The following HMBOX1 variants were observed in gnomAD, a reference collection of about 807,000 sequenced individuals.
HMBOX1 encodes homeobox-containing protein 1.
In HMBOX1, 14 loss-of-function variants were observed where a neutral mutation model predicts 54.5. The observed-to-expected ratio is 0.26, with a 90% CI of 0.17 to 0.40. The LOEUF is 0.40. HMBOX1 is among the 10% of genes least tolerant of loss of function. The pLI, the probability that HMBOX1 is intolerant of heterozygous loss-of-function variation, is 1.00. For missense variants in HMBOX1, 332 were observed against 514.4 expected (o/e 0.65, Z 3.43); for synonymous variants, 160 against 181.0 (o/e 0.88, Z 0.93).
chr8:28,954,303 G>A (rs1241186883), intron 1 of HMBOX1, among the ~76,000 whole-genome samples: 2 of 152,112 alleles, frequency 1.3e-5, no homozygotes, highest in African/African-American at 4.8e-5. Flanking sequence ...AAGGGGCTCT[G>A]TAATGGTGTT....
At chr8:28,968,086 T>C (rs911691183) in intron 2 of HMBOX1, among the ~76,000 whole-genome samples, 2 of 152,208 alleles carry the variant, frequency 1.3e-5, no homozygotes, top group African/African-American at 4.8e-5. Flanking sequence ...TAATGCAGAT[T>C]CATATGGAAA....
At chr8:28,957,445 TA>T (rs1824674351) in intron 1 of HMBOX1, among the ~76,000 whole-genome samples, 1 of 151,860 alleles carries the variant, frequency 6.6e-6, no homozygotes, top group Non-Finnish European at 1.5e-5. Context: ...GTTGAAAAAA[TA>T]ACTGTTGGGT....
intron 4 of HMBOX1, among the ~76,000 whole-genome samples, chr8:28,983,818 A>G (rs945112615): frequency 6.6e-6 from 1 of 152,136 alleles, no homozygotes; most frequent in South Asian, 2.1e-4. Flanking sequence ...AGGAGCTTGC[A>G]TTTTTCCTTT....
chr8:29,035,968 T>C (rs1022913465), intron 6 of HMBOX1, among the ~76,000 whole-genome samples: 6 of 152,202 alleles, frequency 3.9e-5, no homozygotes, highest in Middle Eastern at 3.2e-3. Context: ...AATTGTTACA[T>C]AGTAATAAGA....
intron 1 of HMBOX1, among the ~76,000 whole-genome samples, chr8:28,962,171 C>T (rs889961950): frequency 1.3e-5 from 2 of 152,128 alleles, no homozygotes; most frequent in Non-Finnish European, 2.9e-5. Flanking sequence ...TCTGTCTCCT[C>T]TGCCAGAAGA....
intron 1 of HMBOX1, among the ~76,000 whole-genome samples, chr8:28,925,459 AAC>A (rs1361430746): frequency 1.1e-4 from 16 of 152,186 alleles, no homozygotes; most frequent in African/African-American, 3.6e-4. Flanking sequence ...TTTATTGGCA[AAC>A]ACTATATTCA....
intron 1 of HMBOX1, among the ~76,000 whole-genome samples, chr8:28,956,320 T>G (rs1427212642): frequency 6.7e-6 from 1 of 149,680 alleles, no homozygotes; most frequent in Non-Finnish European, 1.5e-5. Context: ...ACTGCTTAAG[T>G]TTTTTTTTTC....
At chr8:29,030,079 C>T (rs1301913477) in intron 6 of HMBOX1, among the ~76,000 whole-genome samples, 1 of 151,758 alleles carries the variant, frequency 6.6e-6, no homozygotes, top group Non-Finnish European at 1.5e-5. Context: ...AGCACACCCT[C>T]TACCCTCCAA....
intron 1 of HMBOX1, among the ~76,000 whole-genome samples, chr8:28,898,941 C>T (rs763526215): frequency 6.6e-6 from 1 of 152,256 alleles, no homozygotes; most frequent in South Asian, 2.1e-4. Flanking sequence ...GAGGAGGGTT[C>T]TCTTGTTGGT....
intron 4 of HMBOX1, among the ~76,000 whole-genome samples, chr8:29,008,568 A>C (rs1009118902): frequency 3.9e-5 from 6 of 152,168 alleles, no homozygotes; most frequent in Admixed American, 1.3e-4. Flanking sequence ...CCAAAAAAAA[A>C]CCTTATTGAA....
intron 4 of HMBOX1, among the ~76,000 whole-genome samples, chr8:28,994,248 A>G (rs1831450680): frequency 6.6e-6 from 1 of 151,982 alleles, no homozygotes; most frequent in Admixed American, 6.6e-5. Flanking sequence ...ACACTACATA[A>G]GGTTAGAGTA....
intron 1 of HMBOX1, among the ~76,000 whole-genome samples, chr8:28,917,499 A>G (rs780211658): frequency 4.6e-5 from 7 of 152,164 alleles, no homozygotes; most frequent in Non-Finnish European, 7.4e-5. Flanking sequence ...TTGCGTATGA[A>G]TAGAAAAGGT....
intron 1 of HMBOX1, among the ~76,000 whole-genome samples, chr8:28,906,009 C>T (rs1450777649): frequency 6.6e-6 from 1 of 152,158 alleles, no homozygotes; most frequent in Non-Finnish European, 1.5e-5. Context: ...TTTATGCAGG[C>T]TGACTCATTG....
intron 1 of HMBOX1, among the ~76,000 whole-genome samples, chr8:28,914,525 T>C (rs1490491431): frequency 6.6e-6 from 1 of 152,150 alleles, no homozygotes; most frequent in African/African-American, 2.4e-5. Context: ...GGTAAGTAAA[T>C]ATCTGAACAC....
intron 2 of HMBOX1, among the ~76,000 whole-genome samples, chr8:28,966,604 T>C (rs994824542): frequency 3.9e-5 from 6 of 152,220 alleles, no homozygotes; most frequent in Non-Finnish European, 7.3e-5. Context: ...AGGTAAATTA[T>C]GAGAAATAAA....
intron 6 of HMBOX1, among the ~76,000 whole-genome samples, chr8:29,026,611 G>T (rs1341615691): frequency 6.6e-6 from 1 of 152,134 alleles, no homozygotes; most frequent in Non-Finnish European, 1.5e-5. Flanking sequence ...AATCCTCACT[G>T]CAGGCCTGGT....
chr8:29,047,618 A>C (rs1451134685), intron 8 of HMBOX1, among the ~76,000 whole-genome samples, 165 bp downstream of exon 8: 1 of 131,696 alleles, frequency 7.6e-6, no homozygotes, highest in Non-Finnish European at 1.5e-5. Flanking sequence ...CCCAGGCTGG[A>C]GTGCAGTGGC....
chr8:29,023,786 A>G (rs918447040), intron 6 of HMBOX1, among the ~76,000 whole-genome samples: 2 of 152,060 alleles, frequency 1.3e-5, no homozygotes, highest in African/African-American at 4.8e-5. Context: ...TTAACCATCT[A>G]CCTAATAGTT....
In HMBOX1 at chr8:29,018,934, C is replaced by T. The variant is rs181152736; in HGVS notation, c.851+21C>T. On this transcript the variant is annotated intron_variant, in intron 6 of 9. Coordinates refer to ENST00000287701, the MANE Select transcript of HMBOX1 (RefSeq NM_001135726.3). ...GAAAGGTATGTGTCTCCTTTTTCTA[C>T]GAATGATCTCCCAAACTTAGGGAAG... is the stretch of plus-strand genomic sequence containing the variant. 3,230 of 1,611,672 alleles carry T rather than the reference C, an allele frequency of 2.0e-3. 5 individuals are homozygous for T. The highest frequency in any genetic ancestry group is 2.4e-3 in the Non-Finnish European group (2,778 of 1,178,094).
Sources: gnomAD v4.1 joint callset for allele counts (sites outside exome capture counted in the v4.1 genomes callset) on GRCh38, gnomAD v4.1.1 for gene constraint, MANE v1.5 for transcripts, NCBI Gene and HGNC (gene_info 2026-07-23, HGNC 2026-07-21) for gene names.